PDE6D: variants seen among roughly 807,000 people sequenced by gnomAD.
PDE6D encodes the protein retinal rod rhodopsin-sensitive cGMP 3',5'-cyclic phosphodiesterase subunit delta.
PDE6D carries 10 observed loss-of-function variants against 21.9 expected under a neutral mutation model. The ratio of observed to expected loss-of-function variants is 0.46; its 90% confidence interval spans 0.28 to 0.78. PDE6D has a LOEUF of 0.78. Among genes scored for constraint, PDE6D ranks in the 30% least tolerant of loss-of-function variants. PDE6D has a pLI of 0.12. For synonymous variants in PDE6D, 59 were observed against 63.5 expected (o/e 0.93, Z 0.34); for missense variants, 139 against 184.8 (o/e 0.75, Z 1.44).
At chr2:231,755,112 C>G (rs991358101) in intron 1 of PDE6D, among the ~76,000 whole-genome samples, 4 of 152,132 alleles carry the variant, frequency 2.6e-5, no homozygotes, top group Non-Finnish European at 5.9e-5. Flanking sequence ...AAACAGTAGT[C>G]TGCAACCTGG....
At chr2:231,758,439 A>T (rs2048900663) in intron 1 of PDE6D, among the ~76,000 whole-genome samples, 1 of 152,116 alleles carries the variant, frequency 6.6e-6, no homozygotes, top group Non-Finnish European at 1.5e-5. Flanking sequence ...ATCTGGCCAC[A>T]TCAACTTATA....
intron 1 of PDE6D, among the ~76,000 whole-genome samples, chr2:231,755,948 C>T (rs1348837135): frequency 6.6e-6 from 1 of 151,876 alleles, no homozygotes; most frequent in African/African-American, 2.4e-5. Context: ...TATATAAAGC[C>T]TATTTCTCTG....
intron 1 of PDE6D, among the ~76,000 whole-genome samples, chr2:231,774,448 C>G (rs1265606703): frequency 1.3e-5 from 2 of 152,144 alleles, no homozygotes; most frequent in African/African-American, 4.8e-5. Flanking sequence ...TGAGCCCATA[C>G]TCTCAACCAC....
intron 1 of PDE6D, among the ~76,000 whole-genome samples, chr2:231,745,331 C>T (rs1045031666): frequency 6.6e-6 from 1 of 152,058 alleles, no homozygotes; most frequent in African/African-American, 2.4e-5. Flanking sequence ...GTTTTAACAG[C>T]TTACTGCTAA....
chr2:231,734,057 C>CA (rs1383107802), intron 4 of PDE6D, among the ~76,000 whole-genome samples: 1 of 151,386 alleles, frequency 6.6e-6, no homozygotes, highest in Non-Finnish European at 1.5e-5. Context: ...ACTAAAAATA[C>CA]AAAAAAATTA....
rs1411647334 is a variant in PDE6D, at chr2:231,763,492, G to A, written c.50+17573C>T. ...CCACTCAGAATGTGGCCCACAGACT[G>A]GTCCTGGTCTGTGAATCCATTTGCT... On this transcript the variant is annotated intron_variant, in intron 1 of 4. Coordinates refer to ENST00000287600, the MANE Select transcript of PDE6D (RefSeq NM_002601.4). Among the ~76,000 whole-genome samples the A allele has an allele frequency of 2.0e-5, 3 of 152,046 alleles. No individual in the cohort carries two copies. The East Asian group carries it at 5.8e-4, about 29-fold the overall frequency.
chr2:231,746,050 C>T (rs1437749492), intron 1 of PDE6D, among the ~76,000 whole-genome samples: 1 of 152,056 alleles, frequency 6.6e-6, no homozygotes, highest in Admixed American at 6.5e-5. Context: ...TGCATGTGGC[C>T]CAACACAAAT....
At chr2:231,780,587 T>C (rs2049105208) in intron 1 of PDE6D, among the ~76,000 whole-genome samples, 1 of 152,058 alleles carries the variant, frequency 6.6e-6, no homozygotes, top group South Asian at 2.1e-4. Flanking sequence ...AGCACTGGTA[T>C]TTGTCCCACA....
At chr2:231,743,430 A>G (rs1221282182) in intron 1 of PDE6D, among the ~76,000 whole-genome samples, 4 of 105,318 alleles carry the variant, frequency 3.8e-5, no homozygotes, top group Non-Finnish European at 5.4e-5. Context: ...TTCCGTCTCA[A>G]AAAAAAAAAA....
chr2:231,735,302 AT>A (rs576327627), intron 4 of PDE6D, among the ~76,000 whole-genome samples: 2,145 of 131,960 alleles, frequency 0.016, 34 homozygotes, highest in African/African-American at 0.034. Context: ...TTCTATTACA[AT>A]TTTTTTTTTT....
At chr2:231,762,058 C>T (rs942355073) in intron 1 of PDE6D, among the ~76,000 whole-genome samples, 2 of 152,154 alleles carry the variant, frequency 1.3e-5, no homozygotes, top group Non-Finnish European at 2.9e-5. Flanking sequence ...TTTGCCCTTC[C>T]TAACAATGTT....
intron 4 of PDE6D, among the ~76,000 whole-genome samples, chr2:231,734,870 C>A (rs866573444): frequency 6.3e-4 from 86 of 137,124 alleles, no homozygotes; most frequent in South Asian, 1.9e-3. Context: ...AAAAAAAAAA[C>A]CCCAAAAAAC....
At chr2:231,764,476 T>C (rs965556198) in intron 1 of PDE6D, among the ~76,000 whole-genome samples, 9 of 152,178 alleles carry the variant, frequency 5.9e-5, no homozygotes, top group Non-Finnish European at 1.0e-4. Flanking sequence ...TTTTTTCTAA[T>C]GAGCTATTAA....
intron 4 of PDE6D, 73 bp from the exon 5 acceptor site, chr2:231,733,106 T>C: frequency 9.2e-7 from 1 of 1,083,638 alleles, no homozygotes; most frequent in Non-Finnish European, 1.4e-6. Flanking sequence ...TTCCACAAAG[T>C]GGTTTCCATC....
intron 3 of PDE6D, 89 bp downstream of exon 3, chr2:231,737,924 T>C: frequency 8.0e-7 from 1 of 1,242,664 alleles, no homozygotes. Context: ...AGGAATGTTA[T>C]CAAAGCACTG....
chr2:231,776,747 G>A (rs1056458920), intron 1 of PDE6D, among the ~76,000 whole-genome samples: 7 of 152,176 alleles, frequency 4.6e-5, no homozygotes, highest in East Asian at 1.9e-4. Context: ...AATGGGAAAC[G>A]TGGGATTTAC....
chr2:231,739,297 T>C lies in PDE6D; in HGVS notation c.51-109A>G, dbSNP rs1431722099. On this transcript the variant is annotated intron_variant, in intron 1 of 4. Coordinates refer to ENST00000287600, the MANE Select transcript of PDE6D (RefSeq NM_002601.4). This position sits in a 1 kb window ranked among gnomAD's most constrained non-coding sequence, Gnocchi z 4.2. The stretch of plus-strand genomic sequence containing the variant: ...AACTCTTGTTTACTTTTTAAAAAGT[T>C]TGTCAAACTGCTCATTGCCATGGAA... 1 of 780,702 alleles carries C rather than the reference T, an allele frequency of 1.3e-6. No homozygotes were observed. Among genetic ancestry groups the C allele is most frequent in the Non-Finnish European group, 2.3e-6 (1 of 429,250 alleles). The allele number at this position is 780,702 out of a possible 1,614,324, so 48.4% of individuals were successfully genotyped here. A position where few individuals can be genotyped will look rare whatever the true frequency, so the allele number is the denominator to read the frequency against.
intron 1 of PDE6D, among the ~76,000 whole-genome samples, chr2:231,762,057 C>T (rs573077293): frequency 6.6e-6 from 1 of 152,244 alleles, no homozygotes; most frequent in South Asian, 2.1e-4. Context: ...TTTTGCCCTT[C>T]CTAACAATGT....
intron 1 of PDE6D, among the ~76,000 whole-genome samples, chr2:231,780,610 C>G (rs933065470): frequency 6.6e-6 from 1 of 152,182 alleles, no homozygotes; most frequent in Non-Finnish European, 1.5e-5. Flanking sequence ...AGGTCGCCCG[C>G]TCCAAGTCAC....
Sources: gnomAD v4.1 joint callset for allele counts (sites outside exome capture counted in the v4.1 genomes callset) on GRCh38, gnomAD v4.1.1 for gene constraint, Gnocchi (gnomAD v3.1) non-coding constraint, MANE v1.5 for transcripts, NCBI Gene and HGNC (gene_info 2026-07-23, HGNC 2026-07-21) for gene names.